The following UBA2 variants were observed in gnomAD, a reference collection of about 807,000 sequenced individuals.
UBA2 encodes SUMO-activating enzyme subunit 2.
Under a neutral mutation model 77.2 loss-of-function variants are expected in UBA2, and 11 were observed. The ratio of observed to expected loss-of-function variants is 0.14; its 90% CI spans 0.09 to 0.24. The LOEUF (loss-of-function observed/expected upper bound fraction) is 0.24. Among genes scored for constraint, UBA2 ranks in the 10% least tolerant of loss-of-function variants. The pLI, the probability that UBA2 is intolerant of heterozygous loss-of-function variation, is 1.00. For synonymous variants in UBA2, 278 were observed against 276.7 expected (o/e 1.00, Z -0.05); for missense variants, 487 against 781.7 (o/e 0.62, Z 4.50).
intron 15 of UBA2, among the ~76,000 whole-genome samples, chr19:34,465,241 C>T (rs1599935970): frequency 6.6e-6 from 1 of 152,086 alleles, no homozygotes; most frequent in East Asian, 1.9e-4. Context: ...CACCTGCGTC[C>T]AGTTATTTTG....
intron 16 of UBA2, among the ~76,000 whole-genome samples, chr19:34,468,092 C>CT (rs2075706538): frequency 6.6e-6 from 1 of 152,138 alleles, no homozygotes; most frequent in Admixed American, 6.5e-5. Flanking sequence ...TTCCAAATAA[C>CT]TGATTGTTTA....
At chr19:34,431,325 T>A (rs1599885046) in intron 2 of UBA2, among the ~76,000 whole-genome samples, 1 of 145,112 alleles carries the variant, frequency 6.9e-6, no homozygotes, top group South Asian at 2.2e-4. Flanking sequence ...CGGTCATGGC[T>A]TACTGCAGCC....
At chr19:34,450,867 G>A (rs906404110) in intron 9 of UBA2, among the ~76,000 whole-genome samples, 1 of 150,798 alleles carries the variant, frequency 6.6e-6, no homozygotes, top group Admixed American at 6.7e-5. Context: ...AGCCTCCCGA[G>A]TAGCTGGGAT....
At chr19:34,459,879 C>T (rs1175884381) in intron 13 of UBA2, among the ~76,000 whole-genome samples, 1 of 152,192 alleles carries the variant, frequency 6.6e-6, no homozygotes, top group Non-Finnish European at 1.5e-5. Flanking sequence ...GCAGGTACAG[C>T]AGCGGGTGGT....
intron 5 of UBA2, among the ~76,000 whole-genome samples, chr19:34,436,152 A>G (rs554805735): frequency 1.2e-3 from 190 of 152,078 alleles, no homozygotes; most frequent in African/African-American, 4.4e-3. Flanking sequence ...CTGTTGTCTA[A>G]GAGTCTGGGC....
At chr19:34,442,087 T>G (rs1411184137) in intron 6 of UBA2, among the ~76,000 whole-genome samples, 1 of 151,718 alleles carries the variant, frequency 6.6e-6, no homozygotes, top group Non-Finnish European at 1.5e-5. Context: ...ATTTAAAAAT[T>G]AGCAAGGCAT....
chr19:34,434,072 T>C (rs556407188), intron 4 of UBA2, among the ~76,000 whole-genome samples: 1 of 152,172 alleles, frequency 6.6e-6, no homozygotes, highest in Non-Finnish European at 1.5e-5. Flanking sequence ...TACAACAAGT[T>C]GGGCCAGAAA....
At chr19:34,460,227 G>A (rs1396662546) in intron 13 of UBA2, among the ~76,000 whole-genome samples, 1 of 152,164 alleles carries the variant, frequency 6.6e-6, no homozygotes, top group Non-Finnish European at 1.5e-5. Flanking sequence ...GAGCCAGCCA[G>A]GGAGTTCCTA....
chr19:34,436,374 G>A (rs1273567846), intron 5 of UBA2, among the ~76,000 whole-genome samples: 1 of 151,840 alleles, frequency 6.6e-6, no homozygotes, highest in Non-Finnish European at 1.5e-5. Context: ...ATCTCAGCTC[G>A]CCGCAACCTC....
intron 15 of UBA2, among the ~76,000 whole-genome samples, chr19:34,465,468 C>T (rs1027966820): frequency 2.0e-5 from 3 of 151,890 alleles, no homozygotes; most frequent in African/African-American, 7.3e-5. Context: ...GAAACCCCGT[C>T]TCTACTAAAA....
chr19:34,440,090 G>A (rs1278958768), intron 6 of UBA2, among the ~76,000 whole-genome samples: 1 of 152,136 alleles, frequency 6.6e-6, no homozygotes, highest in African/African-American at 2.4e-5. Flanking sequence ...TTGGGAGGCT[G>A]AGGTGGGTGG....
intron 12 of UBA2, among the ~76,000 whole-genome samples, chr19:34,457,179 A>AATATATATATATATAT (rs766043321): frequency 3.4e-4 from 18 of 53,216 alleles, no homozygotes; most frequent in African/African-American, 1.5e-3. Context: ...AAAAAAAAAA[A>AATATATATATATATAT]ATATATATAT....
chr19:34,430,736 T>A, intron 2 of UBA2, 77 bp downstream of exon 2: 1 of 1,146,304 alleles, frequency 8.7e-7, no homozygotes, highest in Non-Finnish European at 1.3e-6. Context: ...CTGCCTGTCA[T>A]ATAGGAGGGA....
At chr19:34,450,075 T>C (rs764649580) in intron 8 of UBA2, among the ~76,000 whole-genome samples, 190 bp from the exon 9 acceptor site, 1 of 152,246 alleles carries the variant, frequency 6.6e-6, no homozygotes, top group Non-Finnish European at 1.5e-5. Context: ...TTTCGCTGTT[T>C]TCAATGTAGA....
At chr19:34,438,152 T>C (rs1049947444) in intron 5 of UBA2, among the ~76,000 whole-genome samples, 1 of 151,988 alleles carries the variant, frequency 6.6e-6, no homozygotes, top group Non-Finnish European at 1.5e-5. Flanking sequence ...AAATTAATCT[T>C]GTAGTTTACT....
At chr19:34,445,481 C>T (rs1327941722) in intron 8 of UBA2, among the ~76,000 whole-genome samples, 1 of 150,128 alleles carries the variant, frequency 6.7e-6, no homozygotes, top group Non-Finnish European at 1.5e-5. Flanking sequence ...CTCTTGTCGC[C>T]CAGGCTGGAG....
intron 6 of UBA2, among the ~76,000 whole-genome samples, chr19:34,443,156 A>C (rs1188357222): frequency 6.6e-6 from 1 of 152,088 alleles, no homozygotes; most frequent in African/African-American, 2.4e-5. Flanking sequence ...CTAGATGGGG[A>C]CTCTGCACCT....
intron 15 of UBA2, among the ~76,000 whole-genome samples, chr19:34,464,917 C>G (rs563253732): frequency 3.1e-3 from 473 of 152,136 alleles, no homozygotes; most frequent in Non-Finnish European, 4.7e-3. Flanking sequence ...TGAGACCAGC[C>G]TGGCCAAAGG....
Position 34,460,547 on chromosome 19 carries a change from C to A in UBA2, c.1479C>A (p.Ser493=). The A allele has an allele frequency of 6.2e-7, 1 of 1,609,146 alleles. No individual in the cohort carries two copies. The highest frequency in any genetic ancestry group is 1.3e-5 in the African/African-American group (1 of 74,622). ...GGAAAGGAACAATCCTAATATCTTC[C>A]GAAGAGGGAGAGACGGAAGGTATCA... ...EDGKGTILIS[S]EEGETEANNH... is the part of the protein sequence containing the mutation. The change falls in exon 14 of 17, where the codon TCC becomes TCA. Residue 493 remains serine, a synonymous_variant. Transcript: ENST00000246548.
Sources: gnomAD v4.1 joint callset for allele counts (sites outside exome capture counted in the v4.1 genomes callset) on GRCh38, gnomAD v4.1.1 for gene constraint, MANE v1.5 for transcripts, NCBI Gene and HGNC (gene_info 2026-07-23, HGNC 2026-07-21) for gene names.